Variants in MOB1B observed in about 807,000 individuals in gnomAD.
MOB1B encodes the protein MOB1 Mps One Binder homolog B.
Under a neutral mutation model 24.4 loss-of-function variants are expected in MOB1B, and 19 were observed. The observed-to-expected ratio is 0.78, with a 90% CI of 0.54 to 1.14. MOB1B has a LOEUF of 1.14. Ranked by LOEUF, MOB1B falls within the 50% of genes most tolerant of loss-of-function variation. The pLI, the probability that MOB1B is intolerant of heterozygous loss-of-function variation, is 0.00. For synonymous variants in MOB1B, 76 were observed against 82.1 expected, an observed-to-expected ratio of 0.93 and a Z score of 0.40; for missense variants, 243 against 259.6, an observed-to-expected ratio of 0.94 and a Z score of 0.44.
At chr4:70,943,961 AAC>A (rs1247000031) in intron 1 of MOB1B, among the ~76,000 whole-genome samples, 1 of 152,256 alleles carries the variant, frequency 6.6e-6, no homozygotes, top group African/African-American at 2.4e-5. Flanking sequence ...AGAATGAAAA[AAC>A]ACAGATCACA....
At chr4:70,916,771 G>A (rs1480284601) in intron 1 of MOB1B, among the ~76,000 whole-genome samples, 1 of 152,124 alleles carries the variant, frequency 6.6e-6, no homozygotes, top group Non-Finnish European at 1.5e-5. Context: ...GTTTCACCAT[G>A]TTGGCTAGCC....
chr4:70,958,223 G>T (rs1468817387), intron 1 of MOB1B, among the ~76,000 whole-genome samples: 1 of 150,156 alleles, frequency 6.7e-6, no homozygotes, highest in Non-Finnish European at 1.5e-5. Flanking sequence ...AGAGTGCAGT[G>T]GCACAATCTT....
At chr4:70,926,728 C>T (rs951538056) in intron 1 of MOB1B, among the ~76,000 whole-genome samples, 14 of 152,088 alleles carry the variant, frequency 9.2e-5, no homozygotes, top group Admixed American at 4.6e-4. Flanking sequence ...CAAGATGTGC[C>T]GGGCGCAGTG....
chr4:70,913,471 A>T (rs2148868797), intron 1 of MOB1B, among the ~76,000 whole-genome samples: 1 of 151,870 alleles, frequency 6.6e-6, no homozygotes, highest in African/African-American at 2.4e-5. Flanking sequence ...TAATTTTTAA[A>T]TTTTTTGTAG....
rs551866953 is a variant in MOB1B, at chr4:70,904,139, C to T, written c.14+1589C>T. On this transcript the variant is annotated intron_variant, in intron 1 of 5. Transcript: ENST00000309395. ...CTGGGACTACAGGCCCGCGCCACCACGCCTGGCTAATTTTTGTATTTTTAA... is the reference window on the plus strand; with the variant it reads ...CTGGGACTACAGGCCCGCGCCACCATGCCTGGCTAATTTTTGTATTTTTAA... Among the ~76,000 whole-genome samples the T allele has an allele frequency of 9.6e-4, 146 of 151,556 alleles. 1 individual carries two copies. The highest frequency in any genetic ancestry group is 3.4e-3 in the Middle Eastern group (1 of 294).
At chr4:70,967,164 C>T (rs555634437) in intron 2 of MOB1B, among the ~76,000 whole-genome samples, 5 of 148,538 alleles carry the variant, frequency 3.4e-5, no homozygotes, top group East Asian at 2.0e-4. Flanking sequence ...GACGGAGTCT[C>T]GCTCTGTCAC....
chr4:70,957,349 G>A (rs1365091612), intron 1 of MOB1B, among the ~76,000 whole-genome samples: 1 of 151,188 alleles, frequency 6.6e-6, no homozygotes, highest in Non-Finnish European at 1.5e-5. Flanking sequence ...AGAAGTGAAG[G>A]AGAATAATGG....
chr4:70,932,453 T>C lies in MOB1B; in HGVS notation c.15-26421T>C, dbSNP rs75128285. On this transcript the variant is annotated intron_variant, in intron 1 of 5. Transcript: ENST00000309395. ...AGGTAATGCCTGAGTTAAATAATAA[T>C]AGTAAATGGGTTTTATTGATCTTTG... 7.1e-3 allele frequency among the ~76,000 whole-genome samples: 1,086 copies of C among 152,310 alleles called. 46 individuals carry two copies. In the East Asian group the frequency reaches 0.095, roughly 13 times the overall value.
intron 1 of MOB1B, among the ~76,000 whole-genome samples, chr4:70,911,405 ATATAT>A (rs1324671754): frequency 2.7e-5 from 4 of 148,866 alleles, no homozygotes; most frequent in Middle Eastern, 3.5e-3. Flanking sequence ...CATATATGTC[ATATAT>A]TATATCCTTA....
At chr4:70,959,182 T>C (rs1019687390) in intron 2 of MOB1B, 142 bp downstream of exon 2, 1 of 647,664 alleles carries the variant, frequency 1.5e-6, no homozygotes, top group Non-Finnish European at 2.6e-6. Context: ...ACTTTAACCT[T>C]CATGTTACTT....
At position 70,919,678 on chromosome 4, in the gene MOB1B, T is replaced by C. The variant is rs112033893; in HGVS notation, c.14+17128T>C. Among the ~76,000 whole-genome samples, 1,145 of 152,302 alleles carry C rather than the reference T, an allele frequency of 7.5e-3. 15 individuals are homozygous for C. The highest frequency in any genetic ancestry group is 0.027 in the African/African-American group (1,106 of 41,570). On this transcript the variant is annotated intron_variant, in intron 1 of 5. Coordinates refer to ENST00000309395, the MANE Select transcript of MOB1B (RefSeq NM_173468.4). ...CATGCCAGGCTAATTTTTGTAGTTTTAGTAGAGACAGGGTTTCCCCATGTT... is the reference window on the plus strand; with the variant it reads ...CATGCCAGGCTAATTTTTGTAGTTTCAGTAGAGACAGGGTTTCCCCATGTT...
chr4:70,940,094 G>T (rs745879036), intron 1 of MOB1B, among the ~76,000 whole-genome samples: 5 of 151,894 alleles, frequency 3.3e-5, no homozygotes, highest in Non-Finnish European at 7.4e-5. Context: ...ACCTCCAGCC[G>T]CTTTTGTCTT....
chr4:70,948,478 G>A (rs1465320554), intron 1 of MOB1B, among the ~76,000 whole-genome samples: 3 of 151,918 alleles, frequency 2.0e-5, no homozygotes, highest in Non-Finnish European at 2.9e-5. Flanking sequence ...AATATCTCTC[G>A]ACTTGACACC....
chr4:70,975,810 A>G (rs1738962261), intron 4 of MOB1B: 4 of 927,360 alleles, frequency 4.3e-6, no homozygotes, highest in African/African-American at 1.8e-5. Context: ...TTTTAATCTT[A>G]TGCACTTACA....
intron 2 of MOB1B, among the ~76,000 whole-genome samples, chr4:70,960,064 A>G (rs890779670): frequency 6.6e-6 from 1 of 151,912 alleles, no homozygotes; most frequent in African/African-American, 2.4e-5. Flanking sequence ...TTGTATTTTT[A>G]GTAGAGATGG....
In MOB1B at chr4:70,902,735, C is replaced by T. The variant is rs1268035641; in HGVS notation, c.14+185C>T. Among the ~76,000 whole-genome samples, 3 of 152,194 alleles carry T rather than the reference C, an allele frequency of 2.0e-5. No homozygotes were observed. The South Asian group carries it at 6.2e-4, about 32-fold the overall frequency. On this transcript the variant is annotated intron_variant, in intron 1 of 5. Transcript: ENST00000309395. ...GCTCGGACTACCTAACCGCCGCCTCCCCATAGGGCTTCGAGTACTCGTGGG... is the reference window on the plus strand; with the variant it reads ...GCTCGGACTACCTAACCGCCGCCTCTCCATAGGGCTTCGAGTACTCGTGGG...
At chr4:70,917,151 A>G (rs1456490676) in intron 1 of MOB1B, among the ~76,000 whole-genome samples, 1 of 152,038 alleles carries the variant, frequency 6.6e-6, no homozygotes, top group Non-Finnish European at 1.5e-5. Context: ...GTTCTCTTTA[A>G]CCCATGATAT....
Position 70,982,046 on chromosome 4 carries a change from A to G in MOB1B, c.640A>G (p.Lys214Glu). The change falls in exon 6 of 6, where the codon AAA becomes GAA. Residue 214 changes from lysine (K) to glutamate (E), a missense_variant. Physicochemically the swap from Lys to Glu is moderately conservative, Grantham distance 56. Transcript: ENST00000309395. ...LQELIEKLTS[K>E]DR ...AGAACTGATTGAAAAACTCACCTCA[A>G]AAGACAGATAAAAGGATGCAGAGCT... The G allele has an allele frequency of 6.2e-7, 1 of 1,609,818 alleles. No individual in the cohort carries two copies. The highest frequency in any genetic ancestry group is 8.5e-7 in the Non-Finnish European group (1 of 1,176,444).
At chr4:70,966,441 C>G (rs1221681327) in intron 2 of MOB1B, among the ~76,000 whole-genome samples, 1 of 150,252 alleles carries the variant, frequency 6.7e-6, no homozygotes, top group Non-Finnish European at 1.5e-5. Context: ...ATGGCATGAT[C>G]TCAGCTCACC....
Sources: gnomAD v4.1 joint callset for allele counts (sites outside exome capture counted in the v4.1 genomes callset) on GRCh38, gnomAD v4.1.1 for gene constraint, MANE v1.5 for transcripts, NCBI Gene and HGNC (gene_info 2026-07-23, HGNC 2026-07-21) for gene names.